The following ADAMTSL1 variants were observed in gnomAD, a reference collection of about 807,000 sequenced individuals.
The protein encoded by ADAMTSL1 is ADAMTS-like protein 1.
ADAMTSL1 carries 126 observed loss-of-function variants against 201.8 expected under a neutral mutation model. That is an observed-to-expected ratio of 0.62 (90% CI 0.54 to 0.72). The LOEUF (loss-of-function observed/expected upper bound fraction) is 0.72, where lower values mean the gene tolerates loss of function less well. Ranked by LOEUF, ADAMTSL1 falls within the 30% of genes least tolerant of loss-of-function variation. The pLI is 0.00. For synonymous variants in ADAMTSL1, 1,121 were observed against 903.4 expected (o/e 1.24, Z -4.32); for missense variants, 2,679 against 2,277.8 (o/e 1.18, Z -3.59).
intron 21 of ADAMTSL1, among the ~76,000 whole-genome samples, chr9:18,824,732 C>G (rs1257083017): frequency 8.9e-6 from 1 of 112,496 alleles, no homozygotes; most frequent in Non-Finnish European, 1.7e-5. Flanking sequence ...GAGTCTTGCT[C>G]TGTCACCCAG....
rs565377571 is a variant in ADAMTSL1 at position 18,478,426 on chromosome 9, C to T, written c.63+4131C>T. 2.2e-4 allele frequency among the ~76,000 whole-genome samples: 34 copies of T among 152,094 alleles called. No homozygotes were observed. The South Asian group carries it at 3.5e-3, about 16-fold the overall frequency. On this transcript the variant is annotated intron_variant, in intron 1 of 28. Coordinates refer to ENST00000380548, the MANE Select transcript of ADAMTSL1 (RefSeq NM_001040272.6). ...TTTCCCGAAGCACCTAGTAGAGTGCCGTGTAGATACAGTTTGTGAACTAAA... is the reference window on the plus strand; with the variant it reads ...TTTCCCGAAGCACCTAGTAGAGTGCTGTGTAGATACAGTTTGTGAACTAAA...
At chr9:18,462,806 G>A (rs1238891394) in intron 2 of ADAMTSL1, among the ~76,000 whole-genome samples, 2 of 151,964 alleles carry the variant, frequency 1.3e-5, no homozygotes, top group South Asian at 2.1e-4. Context: ...GGGCATGGTG[G>A]CACGCACCTG....
intron 2 of ADAMTSL1, among the ~76,000 whole-genome samples, chr9:18,399,117 C>A (rs547779608): frequency 1.3e-5 from 2 of 151,284 alleles, no homozygotes; most frequent in Non-Finnish European, 2.9e-5. Flanking sequence ...GGGGAGCCTA[C>A]GAGCTTGTGG....
At chr9:18,069,981 G>A (rs1822885848) in intron 1 of ADAMTSL1, among the ~76,000 whole-genome samples, 1 of 152,180 alleles carries the variant, frequency 6.6e-6, no homozygotes, top group African/African-American at 2.4e-5. Context: ...CTTGTCATGG[G>A]GAGATTAGGA....
At position 18,905,896 on chromosome 9, in the gene ADAMTSL1, G is replaced by C. The variant is rs866869053; in HGVS notation, c.4961+5G>C. The C allele has an allele frequency of 1.2e-6, 2 of 1,600,848 alleles. No individual in the cohort carries two copies. The highest frequency in any genetic ancestry group is 1.7e-6 in the Non-Finnish European group (2 of 1,171,608). ...GCAGTGCAGTGCTCTTCCGAGGTAA[G>C]AGAAAGCCCTGAATCTCCTTTTCCC... On this transcript the variant is annotated splice_donor_5th_base_variant and intron_variant, in intron 27 of 28. Transcript: ENST00000380548.
At chr9:18,733,036 A>C (rs973154634) in intron 15 of ADAMTSL1, among the ~76,000 whole-genome samples, 30 of 152,198 alleles carry the variant, frequency 2.0e-4, no homozygotes, top group African/African-American at 7.2e-4. Context: ...AACTTGGAAC[A>C]AGGTATATTT....
At chr9:18,690,389 C>T (rs116906046) in intron 13 of ADAMTSL1, among the ~76,000 whole-genome samples, 1 of 152,014 alleles carries the variant, frequency 6.6e-6, no homozygotes, top group Non-Finnish European at 1.5e-5. Flanking sequence ...TTTTTATATC[C>T]CTCCTCAAAA....
At chr9:17,961,924 A>G (rs1817772813) in intron 1 of ADAMTSL1, among the ~76,000 whole-genome samples, 1 of 152,214 alleles carries the variant, frequency 6.6e-6, no homozygotes, top group Admixed American at 6.5e-5. Flanking sequence ...AGACTAAAGT[A>G]GAATTCTCAT....
At chr9:18,304,833 A>G (rs1183890930) in intron 2 of ADAMTSL1, among the ~76,000 whole-genome samples, 2 of 152,244 alleles carry the variant, frequency 1.3e-5, no homozygotes, top group Non-Finnish European at 2.9e-5. Context: ...AGTTTTTACT[A>G]TAAACTATTT....
chr9:18,545,462 T>G (rs746295452), intron 3 of ADAMTSL1, among the ~76,000 whole-genome samples: 2 of 152,140 alleles, frequency 1.3e-5, no homozygotes, highest in Non-Finnish European at 2.9e-5. Flanking sequence ...ACATATGCTT[T>G]TTTTTTTAAG....
At chr9:17,935,168 C>T (rs1481200309) in intron 1 of ADAMTSL1, among the ~76,000 whole-genome samples, 1 of 152,058 alleles carries the variant, frequency 6.6e-6, no homozygotes, top group Non-Finnish European at 1.5e-5. Context: ...TCTCCATCCT[C>T]ATTTCACTTG....
intron 13 of ADAMTSL1, among the ~76,000 whole-genome samples, chr9:18,688,689 A>AAAAAAAATATATATATATAT (rs1554730404): frequency 4.6e-4 from 4 of 8,650 alleles, no homozygotes; most frequent in Admixed American, 2.3e-3. Flanking sequence ...AAAAAAAAAA[A>AAAAAAAATATATATATATAT]ATATATATAT....
At chr9:17,913,597 T>C (rs1438815078) in intron 1 of ADAMTSL1, among the ~76,000 whole-genome samples, 1 of 151,660 alleles carries the variant, frequency 6.6e-6, no homozygotes, top group East Asian at 1.9e-4. Flanking sequence ...CACCCTAACA[T>C]CACAATTAAA....
chr9:18,204,630 A>G (rs1044124816), intron 2 of ADAMTSL1, among the ~76,000 whole-genome samples: 24 of 152,154 alleles, frequency 1.6e-4, no homozygotes, highest in African/African-American at 5.5e-4. Context: ...CACCCTGCTC[A>G]CTATAATACC....
intron 7 of ADAMTSL1, among the ~76,000 whole-genome samples, chr9:18,650,671 T>C (rs912520690): frequency 2.6e-5 from 4 of 152,230 alleles, no homozygotes; most frequent in Admixed American, 2.0e-4. Flanking sequence ...TAAAATAATG[T>C]TTTGGAATAT....
At chr9:18,609,710 A>C (rs1243593678) in intron 4 of ADAMTSL1, among the ~76,000 whole-genome samples, 1 of 152,124 alleles carries the variant, frequency 6.6e-6, no homozygotes, top group Non-Finnish European at 1.5e-5. Context: ...CAGTGACTAC[A>C]TATCCCCCCC....
intron 2 of ADAMTSL1, among the ~76,000 whole-genome samples, chr9:18,223,475 T>G (rs1259644098): frequency 6.6e-6 from 1 of 152,106 alleles, no homozygotes; most frequent in Admixed American, 6.6e-5. Context: ...TTTTGTTGTA[T>G]TTGGTTTAAT....
chr9:18,359,645 C>A (rs1244362755), intron 2 of ADAMTSL1, among the ~76,000 whole-genome samples: 1 of 152,092 alleles, frequency 6.6e-6, no homozygotes, highest in Admixed American at 6.6e-5. Context: ...TCTTCTGCAC[C>A]AAGATTGTGT....
intron 1 of ADAMTSL1, among the ~76,000 whole-genome samples, chr9:18,157,251 G>T (rs2132067986): frequency 6.6e-6 from 1 of 152,168 alleles, no homozygotes; most frequent in East Asian, 1.9e-4. Flanking sequence ...ACTGCTCTGT[G>T]AGAATAAGCT....
Sources: gnomAD v4.1 joint callset for allele counts (sites outside exome capture counted in the v4.1 genomes callset) on GRCh38, gnomAD v4.1.1 for gene constraint, MANE v1.5 for transcripts, NCBI Gene and HGNC (gene_info 2026-07-23, HGNC 2026-07-21) for gene names.